The following CNTN6 variants were observed in gnomAD, a reference collection of about 807,000 sequenced individuals.
The protein encoded by CNTN6 is contactin-6.
Under a neutral mutation model 122.8 loss-of-function variants are expected in CNTN6, and 137 were observed. The observed-to-expected ratio is 1.12, with a 90% CI of 0.97 to 1.29. The LOEUF is 1.29. Among genes scored for constraint, CNTN6 ranks in the 50% most tolerant of loss-of-function variants. The pLI is 0.00. For synonymous variants in CNTN6, 570 were observed against 426.0 expected (o/e 1.34, Z -4.16); for missense variants, 1,634 against 1,223.4 (o/e 1.34, Z -5.01).
chr3:1,285,915 C>T (rs188442853), intron 5 of CNTN6, among the ~76,000 whole-genome samples: 5 of 152,318 alleles, frequency 3.3e-5, no homozygotes, highest in Admixed American at 1.3e-4. Flanking sequence ...AATTAGTGTA[C>T]AGTGTTAGAA....
intron 2 of CNTN6, among the ~76,000 whole-genome samples, chr3:1,174,897 GCACA>G (rs1184379534): frequency 1.3e-5 from 2 of 152,112 alleles, no homozygotes; most frequent in African/African-American, 2.4e-5. Context: ...ACACGCGTGT[GCACA>G]CACAGACACA....
chr3:1,231,429 A>C (rs1410811224), intron 4 of CNTN6, among the ~76,000 whole-genome samples: 1 of 152,210 alleles, frequency 6.6e-6, no homozygotes, highest in Non-Finnish European at 1.5e-5. Context: ...CCATGGCAGA[A>C]ACGCTGCAGG....
rs114678447 is a variant in CNTN6, at chr3:1,175,168, A to G, written c.55+27105A>G. Among the ~76,000 whole-genome samples the G allele has an allele frequency of 9.5e-3, 1,394 of 147,334 alleles. 34 individuals are homozygous for G. Among genetic ancestry groups the G allele is most frequent in the African/African-American group, 0.034 (1,337 of 39,832 alleles). Reference sequence around the variant, plus strand: ...GATTGCTTGAGGGTGGGAGGCCCAGACTACGGTGAGTACCACTGCACTCCA... The same window carrying G: ...GATTGCTTGAGGGTGGGAGGCCCAGGCTACGGTGAGTACCACTGCACTCCA... On this transcript the variant is annotated intron_variant, in intron 2 of 22. Transcript: ENST00000446702.
intron 2 of CNTN6, among the ~76,000 whole-genome samples, chr3:1,217,827 T>A (rs1035533639): frequency 2.6e-5 from 4 of 152,220 alleles, no homozygotes; most frequent in African/African-American, 9.6e-5. Context: ...GGTATTCTCC[T>A]GCCTTTTCAG....
intron 5 of CNTN6, among the ~76,000 whole-genome samples, chr3:1,286,155 G>A (rs1328402784): frequency 1.3e-5 from 2 of 152,174 alleles, no homozygotes; most frequent in Non-Finnish European, 2.9e-5. Flanking sequence ...ACACTTTGTG[G>A]CAGTAGGGCC....
At chr3:1,120,089 A>G (rs1313547955) in intron 1 of CNTN6, among the ~76,000 whole-genome samples, 12 of 151,928 alleles carry the variant, frequency 7.9e-5, no homozygotes, top group Admixed American at 7.9e-4. Flanking sequence ...GTAGTATTCC[A>G]TATGCCACAA....
chr3:1,356,249 T>C (rs144610388), intron 12 of CNTN6, among the ~76,000 whole-genome samples: 2 of 151,970 alleles, frequency 1.3e-5, no homozygotes, highest in Non-Finnish European at 2.9e-5. Flanking sequence ...AGGCAACATT[T>C]GTTTTTGTTT....
At chr3:1,399,612 G>A (rs1161806730) in intron 20 of CNTN6, among the ~76,000 whole-genome samples, 1 of 152,064 alleles carries the variant, frequency 6.6e-6, no homozygotes, top group African/African-American at 2.4e-5. Flanking sequence ...CATAATGAAT[G>A]GATTGGCTGT....
At chr3:1,096,075 C>T (rs551451406) in intron 1 of CNTN6, among the ~76,000 whole-genome samples, 1 of 152,244 alleles carries the variant, frequency 6.6e-6, no homozygotes, top group Admixed American at 6.5e-5. Context: ...ATGCAAGATA[C>T]GTTATCTTTC....
intron 7 of CNTN6, among the ~76,000 whole-genome samples, chr3:1,310,711 A>T (rs1161429167): frequency 6.6e-6 from 1 of 152,160 alleles, no homozygotes; most frequent in African/African-American, 2.4e-5. Context: ...TACATCAAGA[A>T]AAAATAGAGG....
chr3:1,275,008 A>G (rs1396734017), intron 4 of CNTN6, among the ~76,000 whole-genome samples: 1 of 152,054 alleles, frequency 6.6e-6, no homozygotes, highest in Non-Finnish European at 1.5e-5. Context: ...AGCACCAAAA[A>G]CTTTCTCATC....
chr3:1,102,975 C>G lies in CNTN6; in HGVS notation c.-83+9855C>G, dbSNP rs531096713. Among the ~76,000 whole-genome samples, 23 of 150,866 alleles carry G rather than the reference C, an allele frequency of 1.5e-4. No homozygotes were observed. In the East Asian group the frequency reaches 2.0e-3, roughly 13 times the overall value. ...ACAAGAAATTAGCCGGGCGTGGTGG[C>G]GGCGCCTGTGGTCCCAGCTACTCGG... On this transcript the variant is annotated intron_variant, in intron 1 of 22. Coordinates refer to ENST00000446702, the MANE Select transcript of CNTN6 (RefSeq NM_001289080.2).
At chr3:1,196,729 A>T (rs1285789406) in intron 2 of CNTN6, among the ~76,000 whole-genome samples, 1 of 152,224 alleles carries the variant, frequency 6.6e-6, no homozygotes, top group Non-Finnish European at 1.5e-5. Context: ...GAAATTTAGT[A>T]ATTTTAATAT....
chr3:1,178,244 C>T (rs2093487808), intron 2 of CNTN6, among the ~76,000 whole-genome samples: 1 of 152,084 alleles, frequency 6.6e-6, no homozygotes, highest in Non-Finnish European at 1.5e-5. Flanking sequence ...ATTCCAATTA[C>T]ACTCAGCTCT....
chr3:1,173,303 G>T (rs566186349), intron 2 of CNTN6: 78 of 456,590 alleles, frequency 1.7e-4, no homozygotes, highest in South Asian at 5.4e-4. Context: ...TATATCACCT[G>T]GCGGTTTGCA....
At chr3:1,338,391 C>A (rs891351234) in intron 11 of CNTN6, among the ~76,000 whole-genome samples, 6 of 152,002 alleles carry the variant, frequency 3.9e-5, no homozygotes, top group African/African-American at 7.2e-5. Flanking sequence ...GGTTAAGGAA[C>A]CTGAATTTGT....
In CNTN6 at chr3:1,381,850, T is replaced by C. The variant is rs1328245521; in HGVS notation, c.2167-1092T>C. ...TCATATGCAAACTCTGTGAGAGGAA[T>C]TGACCAGGTCTGTTAGTCACCGTAG... On this transcript the variant is annotated intron_variant, in intron 17 of 22. Transcript: ENST00000446702. Among the ~76,000 whole-genome samples the C allele has an allele frequency of 4.6e-5, 7 of 152,324 alleles. No homozygotes were observed. In the South Asian group the frequency reaches 1.0e-3, roughly 23 times the overall value.
intron 1 of CNTN6, among the ~76,000 whole-genome samples, chr3:1,132,983 C>T (rs2092379782): frequency 6.6e-6 from 1 of 152,072 alleles, no homozygotes; most frequent in African/African-American, 2.4e-5. Context: ...ATTTAAGGCA[C>T]TCATAAGTAG....
intron 4 of CNTN6, among the ~76,000 whole-genome samples, chr3:1,267,231 C>T (rs1303025519): frequency 6.6e-6 from 1 of 152,106 alleles, no homozygotes; most frequent in African/African-American, 2.4e-5. Flanking sequence ...TTTTCCTCTC[C>T]TTCCTCACTT....
Sources: gnomAD v4.1 joint callset for allele counts (sites outside exome capture counted in the v4.1 genomes callset) on GRCh38, gnomAD v4.1.1 for gene constraint, MANE v1.5 for transcripts, NCBI Gene and HGNC (gene_info 2026-07-23, HGNC 2026-07-21) for gene names.